CHP1: variants seen among roughly 807,000 people sequenced by gnomAD.
CHP1 encodes the protein calcineurin B homologous protein 1.
Under a neutral mutation model 27.4 loss-of-function variants are expected in CHP1, and 11 were observed. That is an observed-to-expected ratio of 0.40 (90% CI 0.25 to 0.67). CHP1 has a LOEUF of 0.67. Among genes scored for constraint, CHP1 ranks in the 30% least tolerant of loss-of-function variants. The pLI, the probability that CHP1 is intolerant of heterozygous loss-of-function variation, is 0.38. For synonymous variants in CHP1, 89 were observed against 87.4 expected (o/e 1.02, Z -0.10); for missense variants, 169 against 251.3 (o/e 0.67, Z 2.22).
chr15:41,277,977 ATACT>A (rs1242362510), intron 5 of CHP1, among the ~76,000 whole-genome samples: 1 of 151,862 alleles, frequency 6.6e-6, no homozygotes, highest in Admixed American at 6.6e-5. Context: ...CCAAAAACAA[ATACT>A]TACATCTAAA....
At chr15:41,245,052 C>G (rs1212273498) in intron 2 of CHP1, among the ~76,000 whole-genome samples, 1 of 152,166 alleles carries the variant, frequency 6.6e-6, no homozygotes, top group Non-Finnish European at 1.5e-5. Flanking sequence ...TGGGGTTAAG[C>G]ATACCTATTA....
Position 41,281,768 on chromosome 15 carries a change from G to A in CHP1, c.*2379G>A, listed in dbSNP as rs1197950644. On this transcript the variant is annotated 3_prime_UTR_variant, in exon 7 of 7. Coordinates refer to ENST00000334660, the MANE Select transcript of CHP1 (RefSeq NM_007236.5). ...TCTTGATTGGCATAAAGTTCCTAAG[G>A]TTATAGATTTTCCCCCCTTTTGGCT... 3.3e-5 allele frequency: 5 copies of A among 152,546 alleles called. No individual in the cohort carries two copies. Among genetic ancestry groups the A allele is most frequent in the African/African-American group, 1.2e-4 (5 of 41,424 alleles). 9.4% of individuals were successfully genotyped at this position (152,546 alleles called of 1,614,324 possible).
At chr15:41,235,531 AAAAC>A (rs1446570646) in intron 1 of CHP1, among the ~76,000 whole-genome samples, 2 of 152,156 alleles carry the variant, frequency 1.3e-5, no homozygotes, top group Non-Finnish European at 2.9e-5. Context: ...AAAAAAAACA[AAAAC>A]AAACAACAAC....
chr15:41,235,678 C>T (rs1159075290), intron 1 of CHP1, among the ~76,000 whole-genome samples: 1 of 152,200 alleles, frequency 6.6e-6, no homozygotes, highest in East Asian at 1.9e-4. Context: ...GTAAGTTGCA[C>T]AGGTTGGTAA....
At chr15:41,234,538 A>AT (rs2047267533) in intron 1 of CHP1, among the ~76,000 whole-genome samples, 1 of 152,174 alleles carries the variant, frequency 6.6e-6, no homozygotes, top group South Asian at 2.1e-4. Context: ...ATTTAACCAT[A>AT]TTTTTTGCAA....
intron 6 of CHP1, among the ~76,000 whole-genome samples, chr15:41,279,121 G>T (rs1464825342): frequency 6.6e-6 from 1 of 151,234 alleles, no homozygotes; most frequent in Non-Finnish European, 1.5e-5. Context: ...TGAGGCAGGA[G>T]AATCGCTTGA....
At chr15:41,271,357 G>C (rs8034924) in intron 5 of CHP1, among the ~76,000 whole-genome samples, 1 of 151,378 alleles carries the variant, frequency 6.6e-6, no homozygotes, top group African/African-American at 2.4e-5. Context: ...GAACCCAGGA[G>C]GTGGAGGTTG....
intron 2 of CHP1, among the ~76,000 whole-genome samples, chr15:41,244,943 G>A (rs764160907): frequency 1.8e-4 from 27 of 152,068 alleles, no homozygotes; most frequent in Non-Finnish European, 2.9e-4. Flanking sequence ...AAAGTTTCTA[G>A]CACAGGTGTT....
intron 2 of CHP1, among the ~76,000 whole-genome samples, chr15:41,255,233 C>G (rs552932550): frequency 6.6e-6 from 1 of 152,072 alleles, no homozygotes; most frequent in Non-Finnish European, 1.5e-5. Flanking sequence ...TCTCTTTAGC[C>G]CCCCCTTGAT....
intron 2 of CHP1, among the ~76,000 whole-genome samples, chr15:41,253,341 A>C (rs1374272583): frequency 6.6e-6 from 1 of 151,868 alleles, no homozygotes; most frequent in Non-Finnish European, 1.5e-5. Flanking sequence ...AGTTTTAGAG[A>C]AACTGCCCAG....
intron 5 of CHP1, among the ~76,000 whole-genome samples, chr15:41,278,050 C>G (rs756121425): frequency 3.1e-4 from 46 of 150,706 alleles, no homozygotes; most frequent in Non-Finnish European, 5.8e-4. Context: ...ATTTTTTGGC[C>G]GGGCGCAGTG....
chr15:41,244,942 A>G (rs969051746), intron 2 of CHP1, among the ~76,000 whole-genome samples: 8 of 152,152 alleles, frequency 5.3e-5, no homozygotes, highest in African/African-American at 1.9e-4. Flanking sequence ...GAAAGTTTCT[A>G]GCACAGGTGT....
chr15:41,237,987 G>A (rs1282633685), intron 1 of CHP1, among the ~76,000 whole-genome samples: 1 of 152,180 alleles, frequency 6.6e-6, no homozygotes, highest in Non-Finnish European at 1.5e-5. Context: ...ACAGGCATGA[G>A]CCACCATGCC....
intron 2 of CHP1, among the ~76,000 whole-genome samples, chr15:41,245,119 T>TTC: frequency 6.6e-6 from 1 of 152,302 alleles, no homozygotes; most frequent in Non-Finnish European, 1.5e-5. Flanking sequence ...TACCTTCTTT[T>TTC]TCTCTCTGGA....
chr15:41,262,593 A>G (rs2047438962), intron 3 of CHP1, among the ~76,000 whole-genome samples, 163 bp from the exon 4 acceptor site: 1 of 152,226 alleles, frequency 6.6e-6, no homozygotes, highest in South Asian at 2.1e-4. Context: ...TGAGGCTTAA[A>G]TGATATGGTA....
chr15:41,253,931 C>T (rs1174451486), intron 2 of CHP1, among the ~76,000 whole-genome samples: 1 of 151,176 alleles, frequency 6.6e-6, no homozygotes, highest in South Asian at 2.1e-4. Flanking sequence ...ACTACAGGCA[C>T]GTGCCACCAT....
chr15:41,236,523 A>G (rs963453833), intron 1 of CHP1, among the ~76,000 whole-genome samples: 2 of 151,832 alleles, frequency 1.3e-5, no homozygotes, highest in Non-Finnish European at 2.9e-5. Flanking sequence ...CAGTCCCCCA[A>G]AGTGCTGCGA....
intron 1 of CHP1, among the ~76,000 whole-genome samples, chr15:41,235,710 T>A (rs1010898898): frequency 6.6e-6 from 1 of 152,064 alleles, no homozygotes; most frequent in Non-Finnish European, 1.5e-5. Context: ...TTTGAAAGAG[T>A]GTAGTAATGA....
intron 4 of CHP1, 54 bp from the exon 5 acceptor site, chr15:41,270,503 A>C: frequency 7.4e-7 from 1 of 1,357,146 alleles, no homozygotes. Context: ...TAGTTCCTTG[A>C]GAAGGGGCAA....
Sources: allele counts gnomAD v4.1 joint callset (sites outside exome capture counted in the v4.1 genomes callset), GRCh38; gene constraint gnomAD v4.1.1; transcripts MANE v1.5; gene names NCBI Gene and HGNC (gene_info 2026-07-23, HGNC 2026-07-21).